DEPDC5: variants seen among roughly 807,000 people sequenced by gnomAD.
The protein encoded by DEPDC5 is GATOR1 complex protein DEPDC5.
DEPDC5 carries 73 observed loss-of-function variants against 217.3 expected under a neutral mutation model. The observed-to-expected ratio is 0.34, with a 90% CI of 0.28 to 0.41. DEPDC5 has a LOEUF of 0.41. DEPDC5 is among the 10% of genes least tolerant of loss of function. The pLI, the probability that DEPDC5 is intolerant of heterozygous loss-of-function variation, is 1.00. For synonymous variants in DEPDC5, 733 were observed against 756.7 expected, an observed-to-expected ratio of 0.97 and a Z score of 0.51; for missense variants, 1,675 against 2,070.1, an observed-to-expected ratio of 0.81 and a Z score of 3.70.
chr22:31,796,437 T>C (rs1328852667), intron 12 of DEPDC5, among the ~76,000 whole-genome samples: 1 of 152,170 alleles, frequency 6.6e-6, no homozygotes, highest in Non-Finnish European at 1.5e-5. Flanking sequence ...AGAAATTACA[T>C]TGGGTTACTA....
chr22:31,843,816 A>G lies in DEPDC5; in HGVS notation c.2801+4A>G. 1.9e-6 allele frequency: 3 copies of G among 1,588,400 alleles called. No homozygotes were observed. Among genetic ancestry groups the G allele is most frequent in the South Asian group, 1.1e-5 (1 of 89,542 alleles). Reference sequence around the variant, plus strand: ...CTGCCGGCTCTGAAGACTTCAGGTCAGAGAGTGGGCTTTGGATTTCCATCT... The same window carrying G: ...CTGCCGGCTCTGAAGACTTCAGGTCGGAGAGTGGGCTTTGGATTTCCATCT... On this transcript the variant is annotated splice_donor_region_variant and intron_variant, in intron 29 of 42. Coordinates refer to ENST00000651528, the MANE Select transcript of DEPDC5 (RefSeq NM_001242896.3).
chr22:31,899,940 T>C (rs952588373), intron 40 of DEPDC5, among the ~76,000 whole-genome samples: 4 of 152,206 alleles, frequency 2.6e-5, no homozygotes, highest in Non-Finnish European at 5.9e-5. Context: ...GCAACAGCCT[T>C]GCAGAAGGCA....
intron 37 of DEPDC5, among the ~76,000 whole-genome samples, chr22:31,877,288 T>C (rs1051212133): frequency 6.7e-6 from 1 of 149,856 alleles, no homozygotes; most frequent in Admixed American, 6.7e-5. Flanking sequence ...TACAAAAAAA[T>C]TAGCCGGGTG....
intron 30 of DEPDC5, 152 bp from the exon 31 acceptor site, chr22:31,846,682 C>T: frequency 9.2e-7 from 1 of 1,082,356 alleles, no homozygotes; most frequent in South Asian, 1.6e-5. Flanking sequence ...AGGCGGTTTT[C>T]TGTCACTTAC....
At chr22:31,889,586 G>A (rs941412339) in intron 38 of DEPDC5, among the ~76,000 whole-genome samples, 2 of 117,214 alleles carry the variant, frequency 1.7e-5, no homozygotes, top group African/African-American at 3.4e-5. Flanking sequence ...GTCTCGCTCT[G>A]TTGCCTATGC....
intron 8 of DEPDC5, among the ~76,000 whole-genome samples, chr22:31,782,164 G>A (rs1244151823): frequency 6.8e-6 from 1 of 147,052 alleles, no homozygotes; most frequent in African/African-American, 2.5e-5. Context: ...TTGAGGTGGA[G>A]TCTCACTCTG....
chr22:31,837,681 C>A (rs1406983956), intron 26 of DEPDC5, among the ~76,000 whole-genome samples: 2 of 151,562 alleles, frequency 1.3e-5, no homozygotes, highest in South Asian at 2.1e-4. Flanking sequence ...AGCCTGTGTC[C>A]TCTTTTTATA....
chr22:31,804,820 G>C, intron 16 of DEPDC5, 22 bp from the exon 17 acceptor site: 1 of 1,610,054 alleles, frequency 6.2e-7, no homozygotes. Context: ...GCTTATCTGT[G>C]CTCTCATTTT....
chr22:31,873,237 T>C lies in DEPDC5; in HGVS notation c.3486-18T>C. The stretch of plus-strand genomic sequence containing the variant: ...TACGTGCCATCTTGCTTTGCTGACC[T>C]GACACCCTGTGTTACAGCTCTCAGC... On this transcript the variant is annotated intron_variant, in intron 34 of 42. Coordinates refer to ENST00000651528, the MANE Select transcript of DEPDC5 (RefSeq NM_001242896.3). 6.2e-7 allele frequency: 1 copy of C among 1,613,964 alleles called. No homozygotes were observed. The highest frequency in any genetic ancestry group is 8.5e-7 in the Non-Finnish European group (1 of 1,179,890).
chr22:31,754,416 T>C (rs2075142159), intron 1 of DEPDC5, among the ~76,000 whole-genome samples: 1 of 152,250 alleles, frequency 6.6e-6, no homozygotes, highest in African/African-American at 2.4e-5. Context: ...GCTCAGGACA[T>C]TGGCAGCAAA....
chr22:31,806,165 C>G lies in DEPDC5; in HGVS notation c.1261C>G (p.Pro421Ala), dbSNP rs764297665. The change falls in exon 18 of 43, where the codon CCA (proline) becomes GCA (alanine). Residue 421 changes from proline (P) to alanine (A), a missense_variant. This residue lies in a region of DEPDC5 where 628 missense variants were observed against 762.1 expected (regional missense o/e 0.82). Transcript: ENST00000651528. The part of the protein sequence containing the change: ...KSQLFCNSFT[P>A]RIKLAGKKPA... The stretch of plus-strand genomic sequence containing the variant: ...CCAGCTCTTTTGTAATAGTTTCACC[C>G]CACGAATAAAACTGGCAGGAAAGAA... 8 of 1,613,824 alleles carry G rather than the reference C, an allele frequency of 5.0e-6. No homozygotes were observed. Among genetic ancestry groups the G allele is most frequent in the Non-Finnish European group, 4.2e-6 (5 of 1,179,930 alleles).
At chr22:31,765,599 T>C (rs1373294393) in intron 5 of DEPDC5, among the ~76,000 whole-genome samples, 1 of 151,704 alleles carries the variant, frequency 6.6e-6, no homozygotes, top group Non-Finnish European at 1.5e-5. Flanking sequence ...TACTAAAACT[T>C]TTCTAAAAGA....
chr22:31,788,434 C>G (rs2085256369), intron 10 of DEPDC5, among the ~76,000 whole-genome samples: 1 of 151,274 alleles, frequency 6.6e-6, no homozygotes, highest in Non-Finnish European at 1.5e-5. Flanking sequence ...GCCACTATGC[C>G]CGGGCAATTT....
chr22:31,782,252 C>T (rs2084530181), intron 8 of DEPDC5, among the ~76,000 whole-genome samples: 1 of 151,798 alleles, frequency 6.6e-6, no homozygotes, highest in Admixed American at 6.6e-5. Flanking sequence ...ATTGTCCTGC[C>T]TCAGCCTCCC....
intron 7 of DEPDC5, among the ~76,000 whole-genome samples, chr22:31,769,940 A>G (rs2148188207): frequency 6.6e-6 from 1 of 151,438 alleles, no homozygotes; most frequent in East Asian, 1.9e-4. Flanking sequence ...AAATTCAGAA[A>G]GTATTTCAGG....
At chr22:31,822,813 G>C in intron 24 of DEPDC5, 23 bp downstream of exon 24, 1 of 1,609,582 alleles carries the variant, frequency 6.2e-7, no homozygotes, top group Non-Finnish European at 8.5e-7. Context: ...AGAGGTAATA[G>C]AGTTGGGATG....
At chr22:31,873,928 G>C (rs2092921817) in intron 35 of DEPDC5, 1 of 276,610 alleles carries the variant, frequency 3.6e-6, no homozygotes, top group South Asian at 3.3e-5. Flanking sequence ...GACTAGCTGG[G>C]ATTACAGGCA....
chr22:31,786,310 C>A (rs867115136), intron 10 of DEPDC5, among the ~76,000 whole-genome samples: 48 of 150,354 alleles, frequency 3.2e-4, no homozygotes, highest in African/African-American at 1.1e-3. Context: ...TGTGGTGGCT[C>A]ATGGGAGGCG....
intron 3 of DEPDC5, among the ~76,000 whole-genome samples, chr22:31,760,159 C>T (rs982444223): frequency 1.2e-4 from 18 of 152,070 alleles, no homozygotes; most frequent in Admixed American, 2.0e-4. Context: ...GCTCCACCTC[C>T]CGGGTTCACG....
Sources: allele counts gnomAD v4.1 joint callset (sites outside exome capture counted in the v4.1 genomes callset), GRCh38; gene constraint gnomAD v4.1.1; regional missense constraint gnomAD v4.1.1; transcripts MANE v1.5; gene names NCBI Gene and HGNC (gene_info 2026-07-23, HGNC 2026-07-21).